The following MED13L variants were observed in gnomAD, a reference collection of about 807,000 sequenced individuals.
The protein encoded by MED13L is mediator of RNA polymerase II transcription subunit 13-like.
MED13L carries 7 observed loss-of-function variants against 220.9 expected under a neutral mutation model. That is an observed-to-expected ratio of 0.03 (90% confidence interval 0.02 to 0.06). The LOEUF (loss-of-function observed/expected upper bound fraction) is 0.06. Ranked by LOEUF, MED13L falls within the 10% of genes least tolerant of loss-of-function variation. MED13L has a pLI of 1.00. For missense variants in MED13L, 1,965 were observed against 2,760.5 expected (o/e 0.71, Z 6.46); for synonymous variants, 1,011 against 1,015.2 (o/e 1.00, Z 0.08).
chr12:116,043,647 T>C (rs1329122143), intron 4 of MED13L, among the ~76,000 whole-genome samples: 1 of 152,230 alleles, frequency 6.6e-6, no homozygotes, highest in Non-Finnish European at 1.5e-5. Flanking sequence ...ATACTCTTCA[T>C]CTGGCTTTTC....
At chr12:116,104,596 T>C (rs1180892554) in intron 3 of MED13L, among the ~76,000 whole-genome samples, 1 of 152,180 alleles carries the variant, frequency 6.6e-6, no homozygotes, top group Non-Finnish European at 1.5e-5. Flanking sequence ...AGCTGACTGC[T>C]CTGAAGAGCC....
chr12:116,254,687 G>A (rs1871880704), intron 1 of MED13L, among the ~76,000 whole-genome samples: 1 of 151,922 alleles, frequency 6.6e-6, no homozygotes. Flanking sequence ...AACTAGAGAG[G>A]CGGAGGTTAC....
intron 4 of MED13L, among the ~76,000 whole-genome samples, chr12:116,069,540 T>C (rs1028508669): frequency 2.0e-5 from 3 of 152,214 alleles, no homozygotes; most frequent in Non-Finnish European, 4.4e-5. Context: ...GGTACTGACT[T>C]TTTAGCTATC....
intron 2 of MED13L, among the ~76,000 whole-genome samples, chr12:116,182,160 A>C (rs999871074): frequency 3.9e-5 from 6 of 152,006 alleles, no homozygotes; most frequent in African/African-American, 1.2e-4. Context: ...CTCTCATCTA[A>C]ATCCAACTCA....
intron 1 of MED13L, among the ~76,000 whole-genome samples, chr12:116,257,442 C>T (rs1872154780): frequency 6.6e-6 from 1 of 152,182 alleles, no homozygotes; most frequent in African/African-American, 2.4e-5. Flanking sequence ...CCTTAAAGGA[C>T]GGTGTGTCCT....
chr12:115,983,503 T>C lies in MED13L; in HGVS notation c.4569A>G (p.Leu1523=), dbSNP rs199567092. 28 of 1,614,152 alleles carry C rather than the reference T, an allele frequency of 1.7e-5. 1 individual carries two copies. Among genetic ancestry groups the C allele is most frequent in the East Asian group, 8.9e-5 (4 of 44,876 alleles). The change falls in exon 21 of 31, where the codon CTA becomes CTG. Residue 1523 remains leucine, a synonymous_variant. Coordinates refer to ENST00000281928, the MANE Select transcript of MED13L (RefSeq NM_015335.5). ...YLATLQLDSS[L]LIPPKYQTPP... ...GGGTCTGGTATTTAGGTGGTATCAA[T>C]AGGCTGCTATCAAGCTGCAGAGTGG...
chr12:116,154,698 TTAAC>T (rs1381092044), intron 2 of MED13L, among the ~76,000 whole-genome samples: 1 of 152,244 alleles, frequency 6.6e-6, no homozygotes, highest in Non-Finnish European at 1.5e-5. Context: ...ACACATATTC[TTAAC>T]TTTTACTTTT....
intron 4 of MED13L, among the ~76,000 whole-genome samples, chr12:116,049,952 G>GT (rs1566030743): frequency 6.6e-6 from 1 of 152,106 alleles, no homozygotes; most frequent in Non-Finnish European, 1.5e-5. Flanking sequence ...ACAAAAACAC[G>GT]TATGTACTAC....
rs1565987409 is a variant in MED13L, at chr12:115,975,222, A to G, written c.5680T>C (p.Trp1894Arg). ...IGIVQMTSLPWRVVIGRLGRL... is the reference protein window; with the variant it reads ...IGIVQMTSLPRRVVIGRLGRL... Reference sequence around the variant, plus strand: ...CCAAGTCGCCCGATTACAACTCTCCAGGGTAGAGATGTCATTTGGACAATC... The same window carrying G: ...CCAAGTCGCCCGATTACAACTCTCCGGGGTAGAGATGTCATTTGGACAATC... The change falls in exon 25 of 31, where the codon TGG becomes CGG. Residue 1894 changes from tryptophan (W) to arginine (R), a missense_variant. Physicochemically the swap from Trp to Arg is moderately radical, Grantham distance 101. Transcript: ENST00000281928. 1 of 1,614,148 alleles carries G rather than the reference A, an allele frequency of 6.2e-7. No individual in the cohort carries two copies. Among genetic ancestry groups the G allele is most frequent in the Non-Finnish European group, 8.5e-7 (1 of 1,180,028 alleles).
chr12:116,202,238 GCATT>G (rs1882047357), intron 2 of MED13L, among the ~76,000 whole-genome samples: 1 of 152,192 alleles, frequency 6.6e-6, no homozygotes, highest in Non-Finnish European at 1.5e-5. Flanking sequence ...GAGGCAAGAA[GCATT>G]ATTATGGCTC....
intron 1 of MED13L, among the ~76,000 whole-genome samples, chr12:116,270,913 G>T (rs1365629165): frequency 2.0e-5 from 3 of 151,280 alleles, no homozygotes; most frequent in Non-Finnish European, 4.4e-5. Context: ...ATAGTGGCGC[G>T]CGCCTGTAGT....
intron 4 of MED13L, among the ~76,000 whole-genome samples, chr12:116,025,183 C>A (rs1880313570): frequency 6.6e-6 from 1 of 152,090 alleles, no homozygotes; most frequent in African/African-American, 2.4e-5. Flanking sequence ...AGTAAGATAT[C>A]CCTTCACTCC....
At chr12:116,143,674 C>T (rs1193569327) in intron 2 of MED13L, among the ~76,000 whole-genome samples, 1 of 152,108 alleles carries the variant, frequency 6.6e-6, no homozygotes, top group Non-Finnish European at 1.5e-5. Context: ...ACTTTTGTGG[C>T]CTAACCGATA....
chr12:116,064,620 C>A (rs938357416), intron 4 of MED13L, among the ~76,000 whole-genome samples: 1 of 152,162 alleles, frequency 6.6e-6, no homozygotes, highest in African/African-American at 2.4e-5. Flanking sequence ...CCCAGGGTCT[C>A]ATTAATACTC....
At chr12:115,966,598 C>G (rs950005908) in intron 28 of MED13L, among the ~76,000 whole-genome samples, 4 of 152,168 alleles carry the variant, frequency 2.6e-5, no homozygotes, top group African/African-American at 9.6e-5. Context: ...TGCTCTTTCA[C>G]CAGCAACCAG....
At chr12:116,163,999 G>A (rs1273537615) in intron 2 of MED13L, among the ~76,000 whole-genome samples, 1 of 152,056 alleles carries the variant, frequency 6.6e-6, no homozygotes, top group Non-Finnish European at 1.5e-5. Flanking sequence ...GGAGAAAAAG[G>A]GAAATATTTT....
intron 4 of MED13L, among the ~76,000 whole-genome samples, chr12:116,093,837 T>C (rs1282904605): frequency 3.9e-5 from 6 of 152,164 alleles, no homozygotes; most frequent in African/African-American, 1.2e-4. Flanking sequence ...AATGGATCTG[T>C]ACCAATGTAC....
chr12:116,173,076 C>A, intron 2 of MED13L, among the ~76,000 whole-genome samples: 1 of 141,294 alleles, frequency 7.1e-6, no homozygotes, highest in African/African-American at 2.7e-5. Context: ...TTTTAGGATA[C>A]AAGTGCATGG....
At chr12:115,968,107 A>C (rs1223437947) in intron 28 of MED13L, among the ~76,000 whole-genome samples, 1 of 129,532 alleles carries the variant, frequency 7.7e-6, no homozygotes, top group Non-Finnish European at 1.6e-5. Context: ...TTTGTGTCTA[A>C]ATAAATGAGT....
Sources: gnomAD v4.1 joint callset for allele counts (sites outside exome capture counted in the v4.1 genomes callset) on GRCh38, gnomAD v4.1.1 for gene constraint, MANE v1.5 for transcripts, NCBI Gene and HGNC (gene_info 2026-07-23, HGNC 2026-07-21) for gene names.